The following TANGO6 variants were observed in gnomAD, a reference collection of about 807,000 sequenced individuals.
TANGO6 encodes the protein transport and golgi organization 6 homolog, also known as transport and Golgi organization protein 6 homolog.
A neutral mutation model predicts 114.2 loss-of-function variants in TANGO6; 90 were observed. That is an observed-to-expected ratio of 0.79 (90% CI 0.66 to 0.94). TANGO6 has a LOEUF of 0.94. Ranked by LOEUF, TANGO6 falls within the 40% of genes least tolerant of loss-of-function variation. The probability of loss-of-function intolerance (pLI) is 0.00; values close to 1 mark genes in which losing one functional copy is unlikely to be tolerated. For missense variants in TANGO6, 1,274 were observed against 1,315.3 expected, an observed-to-expected ratio of 0.97 and a Z score of 0.49; for synonymous variants, 477 against 509.8, an observed-to-expected ratio of 0.94 and a Z score of 0.87.
At chr16:68,862,093 A>T (rs1962101228) in intron 2 of TANGO6, among the ~76,000 whole-genome samples, 1 of 151,732 alleles carries the variant, frequency 6.6e-6, no homozygotes, top group African/African-American at 2.4e-5. Context: ...GCTGGAGTTC[A>T]GTGGCACAAT....
At chr16:69,033,850 GGT>G in intron 16 of TANGO6, 1 of 161,954 alleles carries the variant, frequency 6.2e-6, no homozygotes, top group Non-Finnish European at 1.4e-5. Flanking sequence ...TCACCAAGCT[GGT>G]CCCTCTGGTC....
At chr16:68,997,413 C>T (rs2152219971) in intron 15 of TANGO6, among the ~76,000 whole-genome samples, 1 of 152,320 alleles carries the variant, frequency 6.6e-6, no homozygotes, top group South Asian at 2.1e-4. Flanking sequence ...TTGGGGAGTT[C>T]TGGAACTAAG....
chr16:69,076,881 C>T (rs1055872031), intron 17 of TANGO6, among the ~76,000 whole-genome samples: 3 of 152,140 alleles, frequency 2.0e-5, no homozygotes, highest in African/African-American at 7.2e-5. Flanking sequence ...TTACAAAACA[C>T]AGGTTCACAG....
intron 1 of TANGO6, among the ~76,000 whole-genome samples, chr16:68,854,139 T>C (rs1162602332): frequency 2.0e-5 from 3 of 152,174 alleles, no homozygotes; most frequent in Non-Finnish European, 4.4e-5. Context: ...TTTTTTTCCT[T>C]TTGGCTCATG....
chr16:68,853,718 C>G (rs187006020), intron 1 of TANGO6, among the ~76,000 whole-genome samples: 6 of 152,246 alleles, frequency 3.9e-5, no homozygotes, highest in Admixed American at 3.9e-4. Context: ...AAGAAACTGC[C>G]AGACCAACTG....
At chr16:68,920,181 C>G (rs1461872985) in intron 12 of TANGO6, among the ~76,000 whole-genome samples, 1 of 152,174 alleles carries the variant, frequency 6.6e-6, no homozygotes, top group Non-Finnish European at 1.5e-5. Flanking sequence ...AAGTCAGACA[C>G]TAAATGACTG....
intron 17 of TANGO6, among the ~76,000 whole-genome samples, chr16:69,041,325 A>T (rs1002064008): frequency 6.6e-6 from 1 of 152,106 alleles, no homozygotes; most frequent in African/African-American, 2.4e-5. Context: ...GCATGCCTGT[A>T]ATCCCATCTA....
rs140340110 is a variant in TANGO6 at position 69,083,562 on chromosome 16, G to T, written c.3186G>T (p.Lys1062Asn). 7.3e-4 allele frequency: 1,175 copies of T among 1,610,338 alleles called. 11 individuals carry two copies. The African/African-American group carries it at 0.014, about 19-fold the overall frequency. Reference protein sequence around the residue: ...VVCLEPDDVAKLHAQLALEEL... With the variant: ...VVCLEPDDVANLHAQLALEEL... ...GTCTGGAGCCCGATGACGTGGCCAAGCTCCATGCCCAGTTGGCCCTAGAAG... is the reference window on the plus strand; with the variant it reads ...GTCTGGAGCCCGATGACGTGGCCAATCTCCATGCCCAGTTGGCCCTAGAAG... The change falls in exon 18 of 18, where the codon AAG becomes AAT. Residue 1062 changes from lysine to asparagine, a missense_variant. Coordinates refer to ENST00000261778, the MANE Select transcript of TANGO6 (RefSeq NM_024562.2).
chr16:68,882,163 G>A (rs1056645252), intron 7 of TANGO6, among the ~76,000 whole-genome samples: 1 of 151,976 alleles, frequency 6.6e-6, no homozygotes, highest in Non-Finnish European at 1.5e-5. Context: ...TATGGGCCCA[G>A]CAATTCCACT....
At chr16:69,020,104 A>T (rs1192858074) in intron 15 of TANGO6, among the ~76,000 whole-genome samples, 3 of 152,238 alleles carry the variant, frequency 2.0e-5, no homozygotes, top group African/African-American at 4.8e-5. Context: ...ATTTATATAT[A>T]TTTTTTATAC....
At chr16:68,893,479 C>T (rs1438120021) in intron 7 of TANGO6, among the ~76,000 whole-genome samples, 1 of 152,050 alleles carries the variant, frequency 6.6e-6, no homozygotes, top group Non-Finnish European at 1.5e-5. Context: ...GTGGCTCATG[C>T]CTGTAATCCC....
At chr16:68,980,886 T>C (rs1240609470) in intron 15 of TANGO6, among the ~76,000 whole-genome samples, 1 of 151,628 alleles carries the variant, frequency 6.6e-6, no homozygotes, top group Admixed American at 6.6e-5. Flanking sequence ...TGCCAGCTAC[T>C]CGGGAAGCTG....
intron 15 of TANGO6, among the ~76,000 whole-genome samples, chr16:69,019,808 G>A (rs1376507751): frequency 6.6e-6 from 1 of 152,182 alleles, no homozygotes; most frequent in Non-Finnish European, 1.5e-5. Context: ...AAAGTGCTGG[G>A]ATTATAGGCA....
intron 12 of TANGO6, among the ~76,000 whole-genome samples, chr16:68,925,022 G>A (rs1386433455): frequency 6.6e-6 from 1 of 151,812 alleles, no homozygotes; most frequent in African/African-American, 2.4e-5. Flanking sequence ...AAGAGGGGTG[G>A]GTGGGAAGCC....
intron 17 of TANGO6, among the ~76,000 whole-genome samples, chr16:69,052,275 T>C (rs988789675): frequency 2.7e-5 from 4 of 149,778 alleles, no homozygotes; most frequent in African/African-American, 4.9e-5. Context: ...TTTTCTTTTT[T>C]TTTTTTTTTT....
At chr16:68,898,171 T>C (rs1410371997) in intron 7 of TANGO6, among the ~76,000 whole-genome samples, 2 of 151,990 alleles carry the variant, frequency 1.3e-5, no homozygotes, top group Non-Finnish European at 2.9e-5. Flanking sequence ...CCTCCTGTAA[T>C]TGGTGATATC....
intron 16 of TANGO6, chr16:69,033,874 G>T: frequency 5.8e-6 from 1 of 171,412 alleles, no homozygotes; most frequent in East Asian, 1.3e-4. Flanking sequence ...AGGATATGAA[G>T]ATCAAGTCCC....
At chr16:68,976,199 G>C (rs1198653908) in intron 15 of TANGO6, among the ~76,000 whole-genome samples, 1 of 152,122 alleles carries the variant, frequency 6.6e-6, no homozygotes, top group Non-Finnish European at 1.5e-5. Context: ...TTCACAAAGT[G>C]CTGAGATTAC....
intron 15 of TANGO6, among the ~76,000 whole-genome samples, chr16:68,991,394 T>C (rs1597050204): frequency 6.6e-6 from 1 of 152,092 alleles, no homozygotes. Flanking sequence ...GGTGGGTGGA[T>C]CACTTGAGGT....
Sources: gnomAD v4.1 joint callset for allele counts (sites outside exome capture counted in the v4.1 genomes callset) on GRCh38, gnomAD v4.1.1 for gene constraint, MANE v1.5 for transcripts, NCBI Gene and HGNC (gene_info 2026-07-23, HGNC 2026-07-21) for gene names.